MIB1: variants seen among roughly 807,000 people sequenced by gnomAD.
The protein encoded by MIB1 is E3 ubiquitin-protein ligase MIB1.
Under a neutral mutation model 124.5 loss-of-function variants are expected in MIB1, and 278 were observed. The ratio of observed to expected loss-of-function variants is 2.23; its 90% CI spans 2.02 to 2.47. The LOEUF (loss-of-function observed/expected upper bound fraction) is 2.47. Ranked by LOEUF, MIB1 falls within the 30% of genes most tolerant of loss-of-function variation. MIB1 has a pLI of 0.00. For synonymous variants in MIB1, 446 were observed against 429.4 expected, an observed-to-expected ratio of 1.04 and a Z score of -0.48; for missense variants, 957 against 1,254.4, an observed-to-expected ratio of 0.76 and a Z score of 3.58.
Position 21,866,205 on chromosome 18 carries a change from T to G in MIB1, c.*1539T>G, listed in dbSNP as rs1025494092. Reference sequence around the variant, plus strand: ...GAAGTCTCTAGCCCTCTTACACTGTTTCTGGCTGTTTAATCCTTGCTGCCT... The same window carrying G: ...GAAGTCTCTAGCCCTCTTACACTGTGTCTGGCTGTTTAATCCTTGCTGCCT... On this transcript the variant is annotated 3_prime_UTR_variant, in exon 21 of 21. Coordinates refer to ENST00000261537, the MANE Select transcript of MIB1 (RefSeq NM_020774.4). 6.6e-6 allele frequency: 1 copy of G among 152,236 alleles called. No homozygotes were observed. The highest frequency in any genetic ancestry group is 2.4e-5 in the African/African-American group (1 of 41,460). 9.4% of individuals were successfully genotyped at this position (152,236 alleles called of 1,614,324 possible).
chr18:21,705,923 C>T (rs982488838), intron 1 of MIB1, among the ~76,000 whole-genome samples: 3 of 152,158 alleles, frequency 2.0e-5, no homozygotes, highest in African/African-American at 2.4e-5. Flanking sequence ...GTAATTTTCA[C>T]GCTCTGGCTC....
chr18:21,744,850 G>T (rs962463821), intron 1 of MIB1, among the ~76,000 whole-genome samples: 8 of 152,154 alleles, frequency 5.3e-5, no homozygotes, highest in African/African-American at 1.9e-4. Flanking sequence ...TTTTGTACCA[G>T]CAATGTGATG....
chr18:21,762,024 G>A (rs878903768), intron 1 of MIB1, among the ~76,000 whole-genome samples: 1 of 152,072 alleles, frequency 6.6e-6, no homozygotes, highest in Non-Finnish European at 1.5e-5. Context: ...CTTTTGAGTT[G>A]TTTAAAGTTT....
intron 3 of MIB1, among the ~76,000 whole-genome samples, chr18:21,772,687 A>T (rs576313449): frequency 3.1e-4 from 47 of 152,206 alleles, no homozygotes; most frequent in African/African-American, 5.5e-4. Flanking sequence ...ATATATATAT[A>T]TTTTTTAATC....
At chr18:21,758,822 C>T (rs570956206) in intron 1 of MIB1, among the ~76,000 whole-genome samples, 2 of 152,148 alleles carry the variant, frequency 1.3e-5, no homozygotes, top group Non-Finnish European at 2.9e-5. Context: ...CATGAGCCAC[C>T]GCGCCCAGCT....
intron 1 of MIB1, among the ~76,000 whole-genome samples, chr18:21,726,598 G>A (rs1287916730): frequency 2.0e-5 from 3 of 152,088 alleles, no homozygotes; most frequent in African/African-American, 7.2e-5. Context: ...CGCTCTGAAG[G>A]TAGTCCCCAC....
intron 3 of MIB1, among the ~76,000 whole-genome samples, chr18:21,771,926 G>A (rs796164285): frequency 6.6e-6 from 1 of 152,174 alleles, no homozygotes; most frequent in East Asian, 1.9e-4. Context: ...CTTGAACCGG[G>A]GAGGCGGAGG....
intron 3 of MIB1, among the ~76,000 whole-genome samples, chr18:21,770,308 A>G (rs974200519): frequency 6.6e-6 from 1 of 152,182 alleles, no homozygotes; most frequent in African/African-American, 2.4e-5. Context: ...TTAGAGTAAC[A>G]TTGTTAAGCA....
chr18:21,808,739 G>T (rs1486793842), intron 10 of MIB1, among the ~76,000 whole-genome samples: 1 of 152,060 alleles, frequency 6.6e-6, no homozygotes, highest in Non-Finnish European at 1.5e-5. Flanking sequence ...GATATCTTAG[G>T]TATGTTGATA....
intron 4 of MIB1, among the ~76,000 whole-genome samples, chr18:21,775,677 T>A (rs980574461): frequency 2.0e-5 from 3 of 152,256 alleles, no homozygotes; most frequent in Admixed American, 2.0e-4. Flanking sequence ...TTTTAAATTG[T>A]CAATTTTTTA....
chr18:21,843,125 G>T lies in MIB1; in HGVS notation c.1963-6G>T, dbSNP rs186680702. The T allele has an allele frequency of 6.3e-7, 1 of 1,597,734 alleles. No homozygotes were observed. Among genetic ancestry groups the T allele is most frequent in the Admixed American group, 1.8e-5 (1 of 56,942 alleles). On this transcript the variant is annotated splice_region_variant and splice_polypyrimidine_tract_variant and intron_variant, in intron 13 of 20. Transcript: ENST00000261537. ...TAACCATTTAACATTTGTTCTTCTC[G>T]TTCAGGGTAATGCAAACCTGGATAT... is the stretch of plus-strand genomic sequence containing the variant.
At chr18:21,814,870 G>C (rs1481925246) in intron 10 of MIB1, among the ~76,000 whole-genome samples, 1 of 149,986 alleles carries the variant, frequency 6.7e-6, no homozygotes, top group Non-Finnish European at 1.5e-5. Flanking sequence ...CACTGCGCCT[G>C]GCCTAGGACC....
At chr18:21,863,211 T>C (rs926635492) in intron 20 of MIB1, among the ~76,000 whole-genome samples, 4 of 152,210 alleles carry the variant, frequency 2.6e-5, no homozygotes, top group Non-Finnish European at 5.9e-5. Flanking sequence ...GAGGGCATGT[T>C]AGAGTGCTCT....
At chr18:21,721,108 G>T (rs2040712217) in intron 1 of MIB1, among the ~76,000 whole-genome samples, 1 of 107,946 alleles carries the variant, frequency 9.3e-6, no homozygotes. Context: ...GTAATAAAAA[G>T]TTATTTTTCC....
At chr18:21,810,869 AAAAC>A (rs762611187) in intron 10 of MIB1, among the ~76,000 whole-genome samples, 5 of 152,080 alleles carry the variant, frequency 3.3e-5, no homozygotes, top group Non-Finnish European at 7.4e-5. Context: ...CAACAAAAGA[AAAAC>A]AGACAAATTA....
chr18:21,769,110 C>T (rs1360991278), intron 3 of MIB1, among the ~76,000 whole-genome samples: 1 of 152,164 alleles, frequency 6.6e-6, no homozygotes, highest in African/African-American at 2.4e-5. Flanking sequence ...GTTTTATATT[C>T]TCTTCCCTCA....
At chr18:21,849,045 A>G (rs888184066) in intron 16 of MIB1, 151 bp from the exon 17 acceptor site, 11 of 494,182 alleles carry the variant, frequency 2.2e-5, no homozygotes, top group Non-Finnish European at 1.7e-5. Flanking sequence ...AAACACAAAA[A>G]TTTAATGTTT....
intron 9 of MIB1, among the ~76,000 whole-genome samples, chr18:21,800,381 C>T (rs967562410): frequency 2.6e-5 from 4 of 151,666 alleles, no homozygotes; most frequent in Admixed American, 2.6e-4. Context: ...AATTTTCAAT[C>T]CTTCTTTTCA....
intron 10 of MIB1, among the ~76,000 whole-genome samples, chr18:21,806,207 T>C (rs1339945930): frequency 1.4e-5 from 2 of 145,268 alleles, no homozygotes; most frequent in Non-Finnish European, 3.0e-5. Context: ...CTGGCCAGAT[T>C]TTTTTTTTTT....
Sources: gnomAD v4.1 joint callset for allele counts (sites outside exome capture counted in the v4.1 genomes callset) on GRCh38, gnomAD v4.1.1 for gene constraint, MANE v1.5 for transcripts, NCBI Gene and HGNC (gene_info 2026-07-23, HGNC 2026-07-21) for gene names.